The following CLVS1 variants were observed in gnomAD, a reference collection of about 807,000 sequenced individuals.
CLVS1 encodes clavesin-1.
A neutral mutation model predicts 33.1 loss-of-function variants in CLVS1; 10 were observed. The observed-to-expected ratio is 0.30, with a 90% CI of 0.19 to 0.51. The LOEUF is 0.51. Among genes scored for constraint, CLVS1 ranks in the 20% least tolerant of loss-of-function variants. The pLI is 0.97. For missense variants in CLVS1, 343 were observed against 433.4 expected, an observed-to-expected ratio of 0.79 and a Z score of 1.85; for synonymous variants, 163 against 166.1, an observed-to-expected ratio of 0.98 and a Z score of 0.14.
At chr8:61,372,506 T>A (rs1813480324) in intron 2 of CLVS1, among the ~76,000 whole-genome samples, 1 of 152,194 alleles carries the variant, frequency 6.6e-6, no homozygotes, top group African/African-American at 2.4e-5. Context: ...CGTCTATTAT[T>A]TTCAGCTTAT....
At position 61,347,643 on chromosome 8, in the gene CLVS1, TATATATATATATATA is replaced by T. The variant is rs1474779454; in HGVS notation, c.456-28961_456-28947del. On this transcript the variant is annotated intron_variant, in intron 2 of 5. Transcript: ENST00000325897. ...CCATTCCATTATATATATATATATA[TATATATATATATATA>T]TATATATATATATATATATATATAT... Among the ~76,000 whole-genome samples the T allele has an allele frequency of 6.8e-4, 26 of 38,300 alleles. No homozygotes were observed. In the South Asian group the frequency reaches 0.027, roughly 40 times the overall value. The allele number at this position is 38,300 out of a possible 152,430, so 25.1% of individuals were successfully genotyped here.
At chr8:61,258,452 A>G (rs1271793078) in intron 2 of CLVS1, among the ~76,000 whole-genome samples, 1 of 152,226 alleles carries the variant, frequency 6.6e-6, no homozygotes, top group African/African-American at 2.4e-5. Flanking sequence ...GAGCAAATGC[A>G]TATCAGGAGG....
At chr8:61,362,974 G>A (rs1011842903) in intron 2 of CLVS1, among the ~76,000 whole-genome samples, 9 of 152,194 alleles carry the variant, frequency 5.9e-5, no homozygotes, top group Non-Finnish European at 1.2e-4. Context: ...GCCAGAACTA[G>A]GAAAGCGCTC....
At chr8:61,251,598 A>G (rs571655551) in intron 2 of CLVS1, among the ~76,000 whole-genome samples, 1 of 152,262 alleles carries the variant, frequency 6.6e-6, no homozygotes, top group South Asian at 2.1e-4. Context: ...AGAACTTGTT[A>G]TAGGTCTATT....
At chr8:61,120,631 C>G (rs1318451773) in intron 1 of CLVS1, among the ~76,000 whole-genome samples, 2 of 128,796 alleles carry the variant, frequency 1.6e-5, no homozygotes, top group South Asian at 6.1e-4. Flanking sequence ...AATACCCTGC[C>G]GTGTGAGGTG....
chr8:61,075,917 G>C (rs573133956), intron 1 of CLVS1, among the ~76,000 whole-genome samples: 2 of 152,100 alleles, frequency 1.3e-5, no homozygotes, highest in African/African-American at 2.4e-5. Context: ...ATTAATATTA[G>C]TTTTTCTACC....
intron 3 of CLVS1, among the ~76,000 whole-genome samples, chr8:61,397,425 G>A (rs1019585620): frequency 1.3e-5 from 2 of 152,040 alleles, no homozygotes; most frequent in Admixed American, 6.6e-5. Context: ...AAACATGTCT[G>A]CATATAATTC....
intron 2 of CLVS1, among the ~76,000 whole-genome samples, chr8:61,168,630 C>T (rs1389547181): frequency 6.6e-6 from 1 of 152,192 alleles, no homozygotes; most frequent in South Asian, 2.1e-4. Context: ...GGCTGCAAAT[C>T]TCCAAACTAA....
At chr8:61,447,473 T>C (rs1304719176) in intron 3 of CLVS1, among the ~76,000 whole-genome samples, 1 of 151,928 alleles carries the variant, frequency 6.6e-6, no homozygotes, top group Non-Finnish European at 1.5e-5. Flanking sequence ...CTTTCCTGCC[T>C]TCTTCTGGGT....
chr8:61,443,980 A>G (rs1162802911), intron 3 of CLVS1, among the ~76,000 whole-genome samples: 1 of 152,086 alleles, frequency 6.6e-6, no homozygotes, highest in Non-Finnish European at 1.5e-5. Flanking sequence ...AGTATTTAAT[A>G]TTTTGAGCAA....
At chr8:61,091,518 AG>A (rs1805249178) in intron 1 of CLVS1, among the ~76,000 whole-genome samples, 1 of 152,248 alleles carries the variant, frequency 6.6e-6, no homozygotes, top group Non-Finnish European at 1.5e-5. Flanking sequence ...AAAATGAATG[AG>A]GGAGCAGATT....
At chr8:60,996,069 G>A in the CLVS1 span, among the ~76,000 whole-genome samples, 2 of 152,104 alleles carry the variant, frequency 1.3e-5, no homozygotes, top group Non-Finnish European at 2.9e-5. Flanking sequence ...GCTAGATGAC[G>A]AGTTAGTGGG....
At chr8:61,499,426 TTCTG>T (rs750565974) in intron 5 of CLVS1, 25 bp from the exon 6 acceptor site, 5 of 1,509,950 alleles carry the variant, frequency 3.3e-6, no homozygotes, top group South Asian at 2.2e-5. Context: ...TTGTTTGTAA[TTCTG>T]TCTTTTTCCC....
intron 2 of CLVS1, among the ~76,000 whole-genome samples, chr8:61,142,497 G>A (rs1019670801): frequency 3.3e-5 from 5 of 152,180 alleles, no homozygotes; most frequent in African/African-American, 9.7e-5. Flanking sequence ...AAGTCTCACT[G>A]GCTGATTGAG....
the CLVS1 span, chr8:60,967,477 G>C: frequency 2.9e-6 from 1 of 341,526 alleles, no homozygotes; most frequent in Admixed American, 4.1e-5. Flanking sequence ...GACATAAATC[G>C]TGAAGCTACC....
intron 2 of CLVS1, among the ~76,000 whole-genome samples, chr8:61,182,323 T>A (rs190412166): frequency 6.5e-4 from 99 of 152,092 alleles, no homozygotes; most frequent in Non-Finnish European, 1.3e-3. Flanking sequence ...AAGGTAAAAT[T>A]GACAAATGGG....
chr8:61,223,792 C>T (rs891370265), intron 2 of CLVS1, among the ~76,000 whole-genome samples: 4 of 152,160 alleles, frequency 2.6e-5, no homozygotes, highest in African/African-American at 9.7e-5. Flanking sequence ...TGTTTCCATT[C>T]TCTCCAACTC....
rs1322578882 is a variant in CLVS1, at chr8:61,500,280, C to CATT, written c.*740_*742dup. 1 of 152,164 alleles carries CATT rather than the reference C, an allele frequency of 6.6e-6. No homozygotes were observed. Among genetic ancestry groups the CATT allele is most frequent in the Non-Finnish European group, 1.5e-5 (1 of 68,030 alleles). The allele number at this position is 152,164 out of a possible 1,614,324, so 9.4% of individuals were successfully genotyped here. A position where few individuals can be genotyped will look rare whatever the true frequency, so the allele number is the denominator to read the frequency against. ...AGTTACCACAGGCAGCTCAAAAGCCCATTAGTGCAGCATGTGTCTGCAGAG... is the reference window on the plus strand; with the variant it reads ...AGTTACCACAGGCAGCTCAAAAGCCCATTATTAGTGCAGCATGTGTCTGCAGAG... On this transcript the variant is annotated 3_prime_UTR_variant, in exon 6 of 6. Transcript: ENST00000325897.
the CLVS1 span, chr8:60,966,311 A>G: frequency 2.2e-6 from 1 of 453,052 alleles, no homozygotes; most frequent in African/African-American, 2.0e-5. Flanking sequence ...GGGATCCTCA[A>G]GCAGCAGCCT....
Sources: allele counts gnomAD v4.1 joint callset (sites outside exome capture counted in the v4.1 genomes callset), GRCh38; gene constraint gnomAD v4.1.1; transcripts MANE v1.5; gene names NCBI Gene and HGNC (gene_info 2026-07-23, HGNC 2026-07-21).